The following PTK2B variants were observed in gnomAD, a reference collection of about 807,000 sequenced individuals.
The protein encoded by PTK2B is protein-tyrosine kinase 2-beta.
A neutral mutation model predicts 142.9 loss-of-function variants in PTK2B; 71 were observed. That is an observed-to-expected ratio of 0.50 (90% CI 0.41 to 0.61). The LOEUF is 0.61. Ranked by LOEUF, PTK2B falls within the 20% of genes least tolerant of loss-of-function variation. The pLI is 0.00. For missense variants in PTK2B, 1,105 were observed against 1,320.4 expected, an observed-to-expected ratio of 0.84 and a Z score of 2.53; for synonymous variants, 519 against 503.4, an observed-to-expected ratio of 1.03 and a Z score of -0.42.
In PTK2B at chr8:27,434,076, T is replaced by C. The variant is rs1810617176; in HGVS notation, c.1106-17T>C. The C allele has an allele frequency of 1.2e-6, 2 of 1,613,866 alleles. No individual in the cohort carries two copies. The highest frequency in any genetic ancestry group is 1.7e-6 in the Non-Finnish European group (2 of 1,179,794). The stretch of plus-strand genomic sequence containing the variant: ...GTGTCCCCAGCTCCAACCTCCTCCT[T>C]CCTCCTCTCTTCCTAGATGGTGAGA... On this transcript the variant is annotated splice_polypyrimidine_tract_variant and intron_variant, in intron 11 of 30. Coordinates refer to ENST00000346049, the MANE Select transcript of PTK2B (RefSeq NM_173176.3).
At chr8:27,343,510 G>T (rs1804534808) in intron 1 of PTK2B, among the ~76,000 whole-genome samples, 1 of 152,146 alleles carries the variant, frequency 6.6e-6, no homozygotes, top group African/African-American at 2.4e-5. Flanking sequence ...ATAACTGTCT[G>T]GGAATGACTG....
Position 27,454,276 on chromosome 8 carries a change from CGTG to C in PTK2B, c.2728_2730del (p.Val910del), listed in dbSNP as rs772930309. On this transcript the variant is annotated inframe_deletion, in exon 29 of 31. Transcript: ENST00000346049. ...TCTGTCAGCTGCCCCCCGAGGGCTA[CGTG>C]GTGGTGGTGAAGGTGAGAGCAGGGC... The C allele has an allele frequency of 6.2e-7, 1 of 1,613,568 alleles. No homozygotes were observed. Among genetic ancestry groups the C allele is most frequent in the Non-Finnish European group, 8.5e-7 (1 of 1,179,918 alleles).
intron 2 of PTK2B, chr8:27,312,446 A>C (rs1348786639): frequency 6.6e-6 from 1 of 152,166 alleles, no homozygotes; most frequent in Non-Finnish European, 1.5e-5. Flanking sequence ...AGCCTTCATC[A>C]CATAGTCTTG....
rs139684104 is a variant in PTK2B at position 27,387,566 on chromosome 8, C to T, written c.-37-9982C>T. On this transcript the variant is annotated intron_variant, in intron 1 of 30. Coordinates refer to ENST00000346049, the MANE Select transcript of PTK2B (RefSeq NM_173176.3). ...CCATGTGATAGGGCCTTGTTGAATG[C>T]CCTTGCCCTAGAAGACGGCCTCTCA... Among the ~76,000 whole-genome samples, 821 of 152,266 alleles carry T rather than the reference C, an allele frequency of 5.4e-3. 5 individuals are homozygous for T. Among genetic ancestry groups the T allele is most frequent in the African/African-American group, 0.019 (770 of 41,552 alleles).
chr8:27,351,034 TATATATAC>T (rs1407836920), intron 1 of PTK2B, among the ~76,000 whole-genome samples: 11 of 92,334 alleles, frequency 1.2e-4, no homozygotes, highest in African/African-American at 5.2e-4. Flanking sequence ...TATATATATA[TATATATAC>T]GTGCTTGGAG....
intron 1 of PTK2B, among the ~76,000 whole-genome samples, chr8:27,356,270 A>G (rs1369808180): frequency 6.6e-6 from 1 of 152,180 alleles, no homozygotes; most frequent in Admixed American, 6.5e-5. Context: ...CTATTGATTC[A>G]ACAAATGCTT....
upstream of PTK2B, among the ~76,000 whole-genome samples, chr8:27,320,769 C>T (rs1449560653): frequency 1.3e-5 from 2 of 151,996 alleles, no homozygotes; most frequent in East Asian, 1.9e-4. Context: ...TTTAGGAAGG[C>T]TTCTTTATGT....
At chr8:27,432,768 C>T (rs1810519262) in intron 10 of PTK2B, among the ~76,000 whole-genome samples, 1 of 45,082 alleles carries the variant, frequency 2.2e-5, no homozygotes, top group Admixed American at 2.0e-4. Flanking sequence ...CCTCAGGCTG[C>T]ATCTCTCTCT....
chr8:27,345,097 AG>A, intron 1 of PTK2B, among the ~76,000 whole-genome samples: 1 of 152,314 alleles, frequency 6.6e-6, no homozygotes, highest in Non-Finnish European at 1.5e-5. Context: ...CAGGAGCCAA[AG>A]GTTGCACTAA....
chr8:27,354,353 A>G (rs1290635423), intron 1 of PTK2B, among the ~76,000 whole-genome samples: 1 of 152,148 alleles, frequency 6.6e-6, no homozygotes, highest in Non-Finnish European at 1.5e-5. Context: ...GGTCCAGGCC[A>G]GGACGGGGAG....
chr8:27,453,060 G>GGA (rs1373472514), intron 27 of PTK2B, 54 bp from the exon 28 acceptor site: 4 of 1,599,006 alleles, frequency 2.5e-6, no homozygotes, highest in Middle Eastern at 3.9e-4. Context: ...AGGTACGAAG[G>GGA]GAAGGGTTGG....
chr8:27,459,144 A>T lies in PTK2B; in HGVS notation c.*635A>T, dbSNP rs1376992911. ...ATGCTGTGTTGTCAACAAACCAAGCATCAGGGGGAAGAAGCAGAGAGATGC... is the reference window on the plus strand; with the variant it reads ...ATGCTGTGTTGTCAACAAACCAAGCTTCAGGGGGAAGAAGCAGAGAGATGC... On this transcript the variant is annotated 3_prime_UTR_variant, in exon 31 of 31. Transcript: ENST00000346049. 2 of 236,994 alleles carry T rather than the reference A, an allele frequency of 8.4e-6. No individual in the cohort carries two copies. The highest frequency in any genetic ancestry group is 2.2e-5 in the African/African-American group (1 of 45,362). The allele number at this position is 236,994 out of a possible 1,614,324, so 14.7% of individuals were successfully genotyped here.
At chr8:27,320,979 G>GTTTTTTTTTTT (rs1257774872), upstream of PTK2B, among the ~76,000 whole-genome samples, 8 of 32,644 alleles carry the variant, frequency 2.5e-4, no homozygotes, top group African/African-American at 3.1e-4. Flanking sequence ...CATACAAAAG[G>GTTTTTTTTTTT]CTTTTTTTTT....
In PTK2B at chr8:27,442,900, A is replaced by G; in HGVS notation, c.2065A>G (p.Ile689Val). The change falls in exon 22 of 31, where the codon ATT (isoleucine) becomes GTT (valine). Residue 689 changes from isoleucine to valine, a missense_variant. Transcript: ENST00000346049. The part of the protein sequence containing the change: ...LSDVYQMEKD[I>V]AMEQERNARY... ...TGACGTTTATCAGATGGAGAAGGACATTGCCATGGAGCAAGAGAGGAATGC... is the reference window on the plus strand; with the variant it reads ...TGACGTTTATCAGATGGAGAAGGACGTTGCCATGGAGCAAGAGAGGAATGC... The G allele has an allele frequency of 6.2e-7, 1 of 1,614,152 alleles. No individual in the cohort carries two copies. Among genetic ancestry groups the G allele is most frequent in the Non-Finnish European group, 8.5e-7 (1 of 1,179,996 alleles).
At position 27,437,855 on chromosome 8, in the gene PTK2B, C is replaced by A; in HGVS notation, c.1618C>A (p.Leu540Met). ...GCAGATATGCAAAGCCATGGCCTAC[C>A]TGGAGAGCATCAACTGCGTGCACAG... is the stretch of plus-strand genomic sequence containing the variant. ...SLQICKAMAY[L>M]ESINCVHRDI... The change falls in exon 18 of 31, where the codon CTG becomes ATG. Residue 540 changes from leucine to methionine, a missense_variant. Transcript: ENST00000346049. The A allele has an allele frequency of 6.2e-7, 1 of 1,612,936 alleles. No homozygotes were observed. Among genetic ancestry groups the A allele is most frequent in the Non-Finnish European group, 8.5e-7 (1 of 1,179,628 alleles).
At chr8:27,448,399 A>G (rs182538139) in intron 24 of PTK2B, among the ~76,000 whole-genome samples, 37 of 152,350 alleles carry the variant, frequency 2.4e-4, no homozygotes, top group Admixed American at 8.5e-4. Context: ...CCTAATAAGA[A>G]TATTGGAGGC....
intron 2 of PTK2B, among the ~76,000 whole-genome samples, 164 bp from the exon 3 acceptor site, chr8:27,419,731 C>T (rs969034249): frequency 3.8e-4 from 58 of 152,288 alleles, no homozygotes; most frequent in African/African-American, 1.3e-3. Flanking sequence ...TCAGATAGAG[C>T]CCATTGTGTA....
At chr8:27,442,274 A>G (rs1811199711) in intron 21 of PTK2B, among the ~76,000 whole-genome samples, 1 of 152,232 alleles carries the variant, frequency 6.6e-6, no homozygotes, top group Non-Finnish European at 1.5e-5. Context: ...GTAGTATATA[A>G]TACTTGCTAC....
chr8:27,445,752 G>C lies in PTK2B; in HGVS notation c.2215-42G>C. On this transcript the variant is annotated intron_variant, in intron 23 of 30. Transcript: ENST00000346049. Reference sequence around the variant, plus strand: ...GTAGCAGCTAATTGTCTACCTTCTCGCTTTGTCCCGTGCCTTGTGCTTCTT... The same window carrying C: ...GTAGCAGCTAATTGTCTACCTTCTCCCTTTGTCCCGTGCCTTGTGCTTCTT... 1.9e-6 allele frequency: 3 copies of C among 1,609,846 alleles called. No homozygotes were observed. The South Asian group carries it at 3.3e-5, about 18-fold the overall frequency.
Sources: gnomAD v4.1 joint callset for allele counts (sites outside exome capture counted in the v4.1 genomes callset) on GRCh38, gnomAD v4.1.1 for gene constraint, MANE v1.5 for transcripts, NCBI Gene and HGNC (gene_info 2026-07-23, HGNC 2026-07-21) for gene names.